RAC2: variants seen among roughly 807,000 people sequenced by gnomAD.
RAC2 encodes Rac family small GTPase 2.
Under a neutral mutation model 24.0 loss-of-function variants are expected in RAC2, and 1 was observed. The observed-to-expected ratio is 0.04, with a 90% CI of 0.01 to 0.20. RAC2 has a LOEUF of 0.20. Ranked by LOEUF, RAC2 falls within the 10% of genes least tolerant of loss-of-function variation. The probability of loss-of-function intolerance (pLI) is 1.00; values close to 1 mark genes in which losing one functional copy is unlikely to be tolerated. For missense variants in RAC2, 130 were observed against 259.1 expected (o/e 0.50, Z 3.42); for synonymous variants, 114 against 106.8 (o/e 1.07, Z -0.41).
chr22:37,228,978 T>A (rs1322561743), intron 5 of RAC2, among the ~76,000 whole-genome samples: 1 of 152,100 alleles, frequency 6.6e-6, no homozygotes, highest in Non-Finnish European at 1.5e-5. Flanking sequence ...CGGAGTCTGG[T>A]CACCACAGCC....
At chr22:37,240,696 G>T (rs1927360545) in intron 2 of RAC2, 1 of 351,724 alleles carries the variant, frequency 2.8e-6, no homozygotes, top group Non-Finnish European at 5.4e-6. Flanking sequence ...TCATAGTCAT[G>T]GGAGAGATCA....
chr22:37,240,470 A>G (rs903371877), intron 2 of RAC2, among the ~76,000 whole-genome samples: 2 of 152,232 alleles, frequency 1.3e-5, no homozygotes, highest in African/African-American at 4.8e-5. Context: ...CACATGTGTG[A>G]CATCTTGCGC....
chr22:37,238,863 G>A (rs1300166280), intron 2 of RAC2, among the ~76,000 whole-genome samples: 1 of 152,238 alleles, frequency 6.6e-6, no homozygotes, highest in Admixed American at 6.5e-5. Context: ...GAAGGTGTCA[G>A]TTCCGAAGGT....
intron 2 of RAC2, among the ~76,000 whole-genome samples, chr22:37,237,517 G>T (rs549369331): frequency 3.0e-4 from 46 of 152,138 alleles, no homozygotes; most frequent in Non-Finnish European, 5.9e-5. Flanking sequence ...CTGCCGAGAG[G>T]CCAGGCAGAA....
At chr22:37,227,885 T>C (rs1278868278) in intron 5 of RAC2, among the ~76,000 whole-genome samples, 1 of 152,128 alleles carries the variant, frequency 6.6e-6, no homozygotes, top group Non-Finnish European at 1.5e-5. Context: ...CAGGTCTGTG[T>C]CTTTCTTGGA....
chr22:37,238,725 C>T (rs1479240368), intron 2 of RAC2, among the ~76,000 whole-genome samples: 2 of 152,176 alleles, frequency 1.3e-5, no homozygotes, highest in South Asian at 2.1e-4. Context: ...ATCTGCGAAA[C>T]GGGGGATTTG....
At position 37,237,959 on chromosome 22, in the gene RAC2, G is replaced by T. The variant is rs376649263; in HGVS notation, c.107+3628C>A. Among the ~76,000 whole-genome samples, 9 of 151,850 alleles carry T rather than the reference G, an allele frequency of 5.9e-5. No homozygotes were observed. In the East Asian group the frequency reaches 1.8e-3, roughly 30 times the overall value. ...GAGACGGGGGGCTGCTGTAGACAGG[G>T]GGTCAAGGAGGCGATGTTTAAGCAG... On this transcript the variant is annotated intron_variant, in intron 2 of 6. Transcript: ENST00000249071.
At chr22:37,241,496 G>A in intron 2 of RAC2, 91 bp downstream of exon 2, 1 of 1,340,750 alleles carries the variant, frequency 7.5e-7, no homozygotes, top group Admixed American at 1.7e-5. Flanking sequence ...CCCACACAGG[G>A]TCTGGCCCAC....
chr22:37,238,216 T>G (rs1198661771), intron 2 of RAC2, among the ~76,000 whole-genome samples: 1 of 152,084 alleles, frequency 6.6e-6, no homozygotes, highest in East Asian at 1.9e-4. Context: ...AACTTTCAGT[T>G]GTTTTTTGGG....
rs371727850 is a variant in RAC2, at chr22:37,231,582, A to G, written c.289-192T>C. On this transcript the variant is annotated intron_variant, in intron 4 of 6. Coordinates refer to ENST00000249071, the MANE Select transcript of RAC2 (RefSeq NM_002872.5). The surrounding 1 kb of genome is among the most constrained non-coding windows in gnomAD (Gnocchi z 5.5). ...GGGAGGGGAGGCCACGACGTTGTGC[A>G]GGAAGGAGGGGGCGCATGATTGTAG... 9 of 617,452 alleles carry G rather than the reference A, an allele frequency of 1.5e-5. No homozygotes were observed. The African/African-American group carries it at 1.5e-4, about 10-fold the overall frequency. The allele number at this position is 617,452 out of a possible 1,614,324, so 38.2% of individuals were successfully genotyped here. A position where few individuals can be genotyped will look rare whatever the true frequency, so the allele number is the denominator to read the frequency against.
rs997820401 is a variant in RAC2, at chr22:37,232,728, T to C, written c.225+73A>G. The C allele has an allele frequency of 2.6e-5, 34 of 1,325,630 alleles. No individual in the cohort carries two copies. In the Admixed American group the frequency reaches 4.2e-4, roughly 17 times the overall value. The allele number at this position is 1,325,630 out of a possible 1,614,324, so 82.1% of individuals were successfully genotyped here. ...GTAGGGTTTCCCAGGCTGAGCTGGC[T>C]GGAAGGGCATCCCAAGCAGAGGGAA... On this transcript the variant is annotated intron_variant, in intron 3 of 6. Transcript: ENST00000249071.
Position 37,231,841 on chromosome 22 carries a change from C to T in RAC2, c.288+91G>A. The T allele has an allele frequency of 7.0e-7, 1 of 1,436,684 alleles. No individual in the cohort carries two copies. Among genetic ancestry groups the T allele is most frequent in the Non-Finnish European group, 9.6e-7 (1 of 1,045,792 alleles). The allele number at this position is 1,436,684 out of a possible 1,614,324, so 89.0% of individuals were successfully genotyped here. A position where few individuals can be genotyped will look rare whatever the true frequency, so the allele number is the denominator to read the frequency against. On this transcript the variant is annotated intron_variant, in intron 4 of 6. Coordinates refer to ENST00000249071, the MANE Select transcript of RAC2 (RefSeq NM_002872.5). The surrounding 1 kb of genome is among the most constrained non-coding windows in gnomAD (Gnocchi z 5.5). ...CCTCTCTGTATGCGACCTCTGCTGC[C>T]CCAGGGACCAGCCTAGAGTCACCAG... is the stretch of plus-strand genomic sequence containing the variant.
chr22:37,234,320 C>T (rs765640793), intron 2 of RAC2, among the ~76,000 whole-genome samples: 14 of 152,224 alleles, frequency 9.2e-5, no homozygotes, highest in Non-Finnish European at 1.8e-4. Flanking sequence ...ACACACATCC[C>T]CGCGAGGAAG....
chr22:37,226,423 A>G (rs1041237913), intron 6 of RAC2, among the ~76,000 whole-genome samples: 5 of 150,522 alleles, frequency 3.3e-5, no homozygotes, highest in African/African-American at 1.2e-4. Flanking sequence ...CGTGACACCC[A>G]CTCCCTGGCC....
At chr22:37,228,189 C>T (rs751407931) in intron 5 of RAC2, among the ~76,000 whole-genome samples, 4 of 152,328 alleles carry the variant, frequency 2.6e-5, no homozygotes, top group East Asian at 1.9e-4. Context: ...CAAACTCACA[C>T]GCTGGATGTA....
In RAC2 at chr22:37,226,900, A is replaced by G. The variant is rs1254776260; in HGVS notation, c.449-97T>C. On this transcript the variant is annotated intron_variant, in intron 5 of 6. Coordinates refer to ENST00000249071, the MANE Select transcript of RAC2 (RefSeq NM_002872.5). ...TGCCATACAACCCCTTCCACGCCAT[A>G]CACCCCTCCCACGCCATACACCCCT... The G allele has an allele frequency of 6.8e-6, 10 of 1,473,064 alleles. No individual in the cohort carries two copies. The East Asian group carries it at 2.1e-4, about 31-fold the overall frequency. 91.2% of individuals were successfully genotyped at this position (1,473,064 alleles called of 1,614,324 possible). A position where few individuals can be genotyped will look rare whatever the true frequency, so the allele number is the denominator to read the frequency against.
At chr22:37,240,998 A>G in intron 2 of RAC2, 2 of 716,574 alleles carry the variant, frequency 2.8e-6, no homozygotes, top group Non-Finnish European at 5.2e-6. Flanking sequence ...CATGCTAGGG[A>G]GTCGGGGAAA....
intron 3 of RAC2, 89 bp downstream of exon 3, chr22:37,232,712 C>T: frequency 1.7e-6 from 2 of 1,154,164 alleles, no homozygotes; most frequent in Middle Eastern, 5.4e-4. Flanking sequence ...GGTAGGGTTT[C>T]CCAGGCTGAG....
In RAC2 at chr22:37,231,480, G is replaced by T; in HGVS notation, c.289-90C>A. ...GATCAGAGGGAGTGTGAGGGTGTAG[G>T]GAGAGGAGAGGCAGCAAGTTGCCAG... On this transcript the variant is annotated intron_variant, in intron 4 of 6. Transcript: ENST00000249071. The surrounding 1 kb of genome is among the most constrained non-coding windows in gnomAD (Gnocchi z 5.5). 2 of 1,272,930 alleles carry T rather than the reference G, an allele frequency of 1.6e-6. No homozygotes were observed. The highest frequency in any genetic ancestry group is 1.1e-6 in the Non-Finnish European group (1 of 888,124). 78.9% of individuals were successfully genotyped at this position (1,272,930 alleles called of 1,614,324 possible). A position where few individuals can be genotyped will look rare whatever the true frequency, so the allele number is the denominator to read the frequency against.
Sources: allele counts gnomAD v4.1 joint callset (sites outside exome capture counted in the v4.1 genomes callset), GRCh38; gene constraint gnomAD v4.1.1; non-coding constraint Gnocchi (gnomAD v3.1); transcripts MANE v1.5; gene names NCBI Gene and HGNC (gene_info 2026-07-23, HGNC 2026-07-21).